Variants in GRID2 observed in about 807,000 individuals in gnomAD.
The protein encoded by GRID2 is glutamate ionotropic receptor delta type subunit 2, also known as glutamate receptor ionotropic, delta-2.
A neutral mutation model predicts 114.8 loss-of-function variants in GRID2; 33 were observed. The ratio of observed to expected loss-of-function variants is 0.29; its 90% CI spans 0.22 to 0.38. GRID2 has a LOEUF of 0.38. GRID2 is among the 10% of genes least tolerant of loss of function. GRID2 has a pLI of 1.00. For missense variants in GRID2, 1,184 were observed against 1,257.7 expected (o/e 0.94, Z 0.89); for synonymous variants, 505 against 449.9 (o/e 1.12, Z -1.55).
At chr4:93,093,929 T>A (rs1214675516) in intron 3 of GRID2, among the ~76,000 whole-genome samples, 2 of 152,090 alleles carry the variant, frequency 1.3e-5, no homozygotes, top group East Asian at 3.9e-4. Flanking sequence ...TACTATCAAG[T>A]TCAACCAAGC....
intron 14 of GRID2, among the ~76,000 whole-genome samples, chr4:93,750,207 T>A (rs1179433636): frequency 2.0e-5 from 3 of 152,326 alleles, no homozygotes; most frequent in African/African-American, 7.2e-5. Context: ...CACATTACTT[T>A]AGTGTTGGAA....
At chr4:93,797,175 C>T (rs564594293) in intron 1 of GRID2, among the ~76,000 whole-genome samples, 61 of 152,228 alleles carry the variant, frequency 4.0e-4, no homozygotes, top group African/African-American at 1.4e-3. Context: ...ATTGTATATG[C>T]GGTCCATCAT....
intron 14 of GRID2, among the ~76,000 whole-genome samples, chr4:93,658,181 A>C (rs774920013): frequency 5.9e-5 from 9 of 152,184 alleles, no homozygotes; most frequent in South Asian, 4.1e-4. Flanking sequence ...AAACCCTATC[A>C]TTTTAGACTG....
At chr4:93,721,980 A>G (rs1410825107) in intron 14 of GRID2, among the ~76,000 whole-genome samples, 1 of 145,536 alleles carries the variant, frequency 6.9e-6, no homozygotes, top group Non-Finnish European at 1.5e-5. Context: ...GTGCAATGGC[A>G]TGATCTCAGC....
chr4:93,111,546 A>G (rs62308212), intron 4 of GRID2, among the ~76,000 whole-genome samples: 8,899 of 152,142 alleles, frequency 0.058, 513 homozygotes, highest in African/African-American at 0.15. Flanking sequence ...TAAAAATACA[A>G]TTAAGACTTT....
chr4:92,466,689 A>G (rs1214842508), intron 1 of GRID2, among the ~76,000 whole-genome samples: 1 of 151,740 alleles, frequency 6.6e-6, no homozygotes, highest in African/African-American at 2.4e-5. Flanking sequence ...TCCATTCTCT[A>G]TATTGTACTT....
At chr4:93,553,980 A>C (rs529394933) in intron 13 of GRID2, among the ~76,000 whole-genome samples, 1 of 152,206 alleles carries the variant, frequency 6.6e-6, no homozygotes, top group Non-Finnish European at 1.5e-5. Context: ...ATACTAATTA[A>C]TACAAATTCC....
intron 2 of GRID2, among the ~76,000 whole-genome samples, chr4:92,666,102 A>AT (rs893083806): frequency 2.6e-4 from 39 of 151,366 alleles, no homozygotes; most frequent in African/African-American, 8.9e-4. Flanking sequence ...TTCTTCAGTC[A>AT]TTTTTTATTT....
At chr4:93,746,535 C>T (rs1249797269) in intron 14 of GRID2, among the ~76,000 whole-genome samples, 7 of 152,036 alleles carry the variant, frequency 4.6e-5, no homozygotes, top group Admixed American at 4.6e-4. Flanking sequence ...ATTTGGATTA[C>T]AGTCTTTCTC....
rs1286353487 is a variant in GRID2, at chr4:92,713,480, T to C, written c.244+123194T>C. Among the ~76,000 whole-genome samples, 277 of 64,924 alleles carry C rather than the reference T, an allele frequency of 4.3e-3. 13 individuals carry two copies. In the East Asian group the frequency reaches 0.088, roughly 21 times the overall value. The allele number at this position is 64,924 out of a possible 152,430, so 42.6% of individuals were successfully genotyped here. A position where few individuals can be genotyped will look rare whatever the true frequency, so the allele number is the denominator to read the frequency against. On this transcript the variant is annotated intron_variant, in intron 2 of 15. Transcript: ENST00000282020. ...ATATATTTACATATACATATACATA[T>C]ATATATATATATATATATATATATA...
chr4:93,239,765 C>A (rs772941904), intron 8 of GRID2, among the ~76,000 whole-genome samples: 34 of 151,590 alleles, frequency 2.2e-4, no homozygotes, highest in Non-Finnish European at 4.4e-4. Context: ...TACCGTCAGA[C>A]CATCCTTGTC....
At chr4:93,655,676 A>T (rs60529669) in intron 14 of GRID2, among the ~76,000 whole-genome samples, 16,841 of 152,128 alleles carry the variant, frequency 0.11, 1,004 homozygotes, top group Middle Eastern at 0.14. Flanking sequence ...TTCTGTTTGA[A>T]TCTTTATAAC....
At chr4:92,804,827 G>A (rs1443957166) in intron 2 of GRID2, among the ~76,000 whole-genome samples, 3 of 151,976 alleles carry the variant, frequency 2.0e-5, no homozygotes, top group Non-Finnish European at 2.9e-5. Flanking sequence ...AAATAGGCTG[G>A]AGCCTAAATT....
chr4:93,198,063 G>A (rs996104047), intron 4 of GRID2, among the ~76,000 whole-genome samples: 1 of 151,996 alleles, frequency 6.6e-6, no homozygotes, highest in African/African-American at 2.4e-5. Flanking sequence ...GTATAAGGAC[G>A]AGTTAGGGCT....
At chr4:92,715,657 G>T (rs535359333) in intron 2 of GRID2, among the ~76,000 whole-genome samples, 4 of 152,146 alleles carry the variant, frequency 2.6e-5, no homozygotes, top group African/African-American at 9.7e-5. Context: ...TGAAGAGAGC[G>T]AGTGCAGGGA....
chr4:93,438,139 T>A (rs746892682), intron 10 of GRID2, among the ~76,000 whole-genome samples: 2 of 152,116 alleles, frequency 1.3e-5, no homozygotes, highest in Non-Finnish European at 2.9e-5. Flanking sequence ...TTCTGGGCAC[T>A]GTGCCTGGCA....
At chr4:92,392,414 C>G (rs1458798110) in intron 1 of GRID2, among the ~76,000 whole-genome samples, 1 of 151,984 alleles carries the variant, frequency 6.6e-6, no homozygotes, top group Non-Finnish European at 1.5e-5. Flanking sequence ...TGGTGTGTGC[C>G]TGTAATCTCA....
intron 14 of GRID2, among the ~76,000 whole-genome samples, chr4:93,723,424 C>T (rs1450623741): frequency 6.6e-6 from 1 of 152,118 alleles, no homozygotes; most frequent in Non-Finnish European, 1.5e-5. Context: ...AAGCACAGAT[C>T]AATAAAAATG....
intron 1 of GRID2, among the ~76,000 whole-genome samples, chr4:92,586,126 G>T (rs1728427636): frequency 6.6e-6 from 1 of 151,628 alleles, no homozygotes. Context: ...TAGATTATAT[G>T]GCCTAGGAAA....
Sources: gnomAD v4.1 joint callset for allele counts (sites outside exome capture counted in the v4.1 genomes callset) on GRCh38, gnomAD v4.1.1 for gene constraint, MANE v1.5 for transcripts, NCBI Gene and HGNC (gene_info 2026-07-23, HGNC 2026-07-21) for gene names.